HDAC9: variants seen among roughly 807,000 people sequenced by gnomAD.
HDAC9 encodes histone deacetylase 9.
HDAC9 carries 41 observed loss-of-function variants against 139.4 expected under a neutral mutation model. The ratio of observed to expected loss-of-function variants is 0.29; its 90% confidence interval spans 0.23 to 0.38. The LOEUF (loss-of-function observed/expected upper bound fraction) is 0.38, where lower values mean the gene tolerates loss of function less well. HDAC9 is among the 10% of genes least tolerant of loss of function. The pLI, the probability that HDAC9 is intolerant of heterozygous loss-of-function variation, is 1.00. For missense variants in HDAC9, 1,147 were observed against 1,297.0 expected, an observed-to-expected ratio of 0.88 and a Z score of 1.78; for synonymous variants, 517 against 476.2, an observed-to-expected ratio of 1.09 and a Z score of -1.12.
chr7:18,243,936 A>T (rs745593850), intron 2 of HDAC9, among the ~76,000 whole-genome samples: 2 of 152,190 alleles, frequency 1.3e-5, no homozygotes, highest in African/African-American at 4.8e-5. Context: ...TGATTATGTG[A>T]TAATAGTACT....
intron 1 of HDAC9, among the ~76,000 whole-genome samples, chr7:18,328,291 G>C (rs941320984): frequency 6.6e-6 from 1 of 151,852 alleles, no homozygotes; most frequent in Non-Finnish European, 1.5e-5. Context: ...ATGTGTTGGG[G>C]CTGGACTCAC....
rs1368973259 is a variant in HDAC9, at chr7:18,618,033, G to C, written c.665-11317G>C. On this transcript the variant is annotated intron_variant, in intron 6 of 25. Transcript: ENST00000686413. The stretch of plus-strand genomic sequence containing the variant: ...TAAATATTATTTTATTTTAATTCTT[G>C]TGGAATGAAATGACTTGCTAGAGGA... 2.0e-5 allele frequency among the ~76,000 whole-genome samples: 3 copies of C among 152,204 alleles called. No homozygotes were observed. The East Asian group carries it at 5.8e-4, about 29-fold the overall frequency.
chr7:18,660,672 T>C (rs1792836246), intron 11 of HDAC9, among the ~76,000 whole-genome samples: 1 of 152,024 alleles, frequency 6.6e-6, no homozygotes, highest in African/African-American at 2.4e-5. Context: ...AATGAGATAA[T>C]AACAGAGGTA....
chr7:18,230,196 G>C (rs1286057061), intron 2 of HDAC9, among the ~76,000 whole-genome samples: 1 of 152,154 alleles, frequency 6.6e-6, no homozygotes, highest in Non-Finnish European at 1.5e-5. Flanking sequence ...AAGAAACTTA[G>C]GGGCTGATTT....
At chr7:18,246,121 T>A (rs1373755956) in intron 2 of HDAC9, among the ~76,000 whole-genome samples, 1 of 146,738 alleles carries the variant, frequency 6.8e-6, no homozygotes, top group African/African-American at 2.5e-5. Context: ...GTAAGTTATC[T>A]AGTATGCTAG....
At chr7:18,106,492 TC>T (rs1231092711) in intron 1 of HDAC9, among the ~76,000 whole-genome samples, 1 of 151,854 alleles carries the variant, frequency 6.6e-6, no homozygotes, top group African/African-American at 2.4e-5. Context: ...CCACTCTGTC[TC>T]CCAGGCTGGA....
intron 17 of HDAC9, among the ~76,000 whole-genome samples, chr7:18,825,813 C>CA (rs1795386469): frequency 1.4e-5 from 2 of 147,682 alleles, no homozygotes; most frequent in Admixed American, 1.4e-4. Context: ...CACATATAAA[C>CA]AAATACACAC....
chr7:18,179,927 A>G (rs1469327395), intron 2 of HDAC9, among the ~76,000 whole-genome samples: 1 of 152,160 alleles, frequency 6.6e-6, no homozygotes, highest in Non-Finnish European at 1.5e-5. Context: ...GTGACCTGTA[A>G]CTATCCTTTT....
chr7:18,490,298 C>T (rs949859954), intron 1 of HDAC9, among the ~76,000 whole-genome samples: 2 of 152,074 alleles, frequency 1.3e-5, no homozygotes, highest in Admixed American at 1.3e-4. Context: ...AATTGCACTT[C>T]TAGCAAGTTC....
chr7:18,742,375 G>C (rs1787540531), intron 13 of HDAC9, among the ~76,000 whole-genome samples: 1 of 152,180 alleles, frequency 6.6e-6, no homozygotes, highest in African/African-American at 2.4e-5. Context: ...CTCACTGAAA[G>C]CTCAGATGAT....
At chr7:18,363,710 A>G (rs1240289064) in intron 1 of HDAC9, among the ~76,000 whole-genome samples, 1 of 152,136 alleles carries the variant, frequency 6.6e-6, no homozygotes, top group South Asian at 2.1e-4. Context: ...AGAGAAAGCC[A>G]ATGGGCTGAA....
intron 1 of HDAC9, among the ~76,000 whole-genome samples, chr7:18,326,954 T>C (rs1204749134): frequency 6.6e-6 from 1 of 151,930 alleles, no homozygotes; most frequent in African/African-American, 2.4e-5. Context: ...ATTTCATCAT[T>C]ATGATTTTGG....
chr7:18,093,035 A>G (rs919385531), intron 1 of HDAC9, among the ~76,000 whole-genome samples: 2 of 152,186 alleles, frequency 1.3e-5, no homozygotes, highest in African/African-American at 4.8e-5. Flanking sequence ...GAGTAGAGCT[A>G]AGGACCATTG....
At chr7:18,251,386 C>T (rs1393649012) in intron 2 of HDAC9, among the ~76,000 whole-genome samples, 2 of 152,044 alleles carry the variant, frequency 1.3e-5, no homozygotes. Context: ...GGGAGAGCAT[C>T]AGGAAGAGTA....
At chr7:18,426,746 T>C (rs552367120) in intron 1 of HDAC9, among the ~76,000 whole-genome samples, 11 of 152,340 alleles carry the variant, frequency 7.2e-5, no homozygotes, top group Non-Finnish European at 1.3e-4. Flanking sequence ...TATTGAAAGG[T>C]TTGTGTTATT....
chr7:18,497,976 G>C (rs905439791), intron 2 of HDAC9, among the ~76,000 whole-genome samples: 1 of 151,998 alleles, frequency 6.6e-6, no homozygotes, highest in Non-Finnish European at 1.5e-5. Context: ...CATTTTCCTA[G>C]CATTTAATGG....
In HDAC9 at chr7:18,522,596, AAAAAAACAAAAAAC is replaced by A. The variant is rs576117125; in HGVS notation, c.22+26286_22+26299del. ...AAAAAAAAGCAGGGTGGTTTTTTTA[AAAAAAACAAAAAAC>A]AAAAAACAAAAAAAAAAACATCTAA... On this transcript the variant is annotated intron_variant, in intron 2 of 25. Coordinates refer to ENST00000686413, the MANE Select transcript of HDAC9 (RefSeq NM_178425.4). Among the ~76,000 whole-genome samples, 20 of 151,904 alleles carry A rather than the reference AAAAAAACAAAAAAC, an allele frequency of 1.3e-4. No homozygotes were observed. In the East Asian group the frequency reaches 1.7e-3, roughly 13 times the overall value.
intron 1 of HDAC9, among the ~76,000 whole-genome samples, chr7:18,408,355 CTT>C (rs1491434309): frequency 6.6e-6 from 1 of 152,158 alleles, no homozygotes; most frequent in Non-Finnish European, 1.5e-5. Flanking sequence ...AAATTCCTAA[CTT>C]GTGTCTGTCT....
chr7:18,952,637 A>T (rs930919265), intron 23 of HDAC9, among the ~76,000 whole-genome samples: 2 of 152,032 alleles, frequency 1.3e-5, no homozygotes, highest in African/African-American at 4.8e-5. Context: ...TCTAATGCAT[A>T]AGAGTTTTCC....
Sources: allele counts gnomAD v4.1 joint callset (sites outside exome capture counted in the v4.1 genomes callset), GRCh38; gene constraint gnomAD v4.1.1; transcripts MANE v1.5; gene names NCBI Gene and HGNC (gene_info 2026-07-23, HGNC 2026-07-21).